The following POC5 variants were observed in gnomAD, a reference collection of about 807,000 sequenced individuals.
The protein encoded by POC5 is centrosomal protein POC5.
Under a neutral mutation model 62.9 loss-of-function variants are expected in POC5, and 48 were observed. The ratio of observed to expected loss-of-function variants is 0.76; its 90% CI spans 0.61 to 0.97. The LOEUF (loss-of-function observed/expected upper bound fraction) is 0.97. POC5 is among the 50% of genes least tolerant of loss of function. The pLI is 0.00. For missense variants in POC5, 696 were observed against 679.5 expected, an observed-to-expected ratio of 1.02 and a Z score of -0.27; for synonymous variants, 236 against 228.2, an observed-to-expected ratio of 1.03 and a Z score of -0.31.
intron 10 of POC5, among the ~76,000 whole-genome samples, chr5:75,679,899 G>T (rs911595054): frequency 1.3e-5 from 2 of 152,052 alleles, no homozygotes; most frequent in Non-Finnish European, 2.9e-5. Context: ...GGAAACAGAA[G>T]AAACAGCTAA....
chr5:75,682,732 G>A (rs1247866252), intron 10 of POC5, among the ~76,000 whole-genome samples: 1 of 151,960 alleles, frequency 6.6e-6, no homozygotes, highest in Admixed American at 6.6e-5. Context: ...GGCCAGCGTG[G>A]TCTCAATCTC....
chr5:75,703,711 G>GT (rs1776997268), intron 4 of POC5, among the ~76,000 whole-genome samples: 1 of 152,158 alleles, frequency 6.6e-6, no homozygotes, highest in African/African-American at 2.4e-5. Context: ...ATACTCTGTT[G>GT]TTAAGTACAC....
At chr5:75,690,811 T>C (rs1776300947) in intron 7 of POC5, among the ~76,000 whole-genome samples, 1 of 152,206 alleles carries the variant, frequency 6.6e-6, no homozygotes, top group South Asian at 2.1e-4. Context: ...CATTACATCA[T>C]TGCTTTATGC....
intron 5 of POC5, among the ~76,000 whole-genome samples, chr5:75,701,715 T>TAAA (rs1554074321): frequency 7.0e-6 from 1 of 142,936 alleles, no homozygotes; most frequent in African/African-American, 2.6e-5. Flanking sequence ...AAACTTAAAG[T>TAAA]ATAATAATAA....
chr5:75,705,337 T>C (rs1777072921), intron 4 of POC5: 1 of 159,848 alleles, frequency 6.3e-6, no homozygotes, highest in Non-Finnish European at 1.4e-5. Context: ...GGCATAAAGA[T>C]AGGATGAAAA....
chr5:75,691,426 A>G (rs1475440050), intron 7 of POC5, among the ~76,000 whole-genome samples: 1 of 152,200 alleles, frequency 6.6e-6, no homozygotes, highest in East Asian at 1.9e-4. Flanking sequence ...GAAAAATTCC[A>G]CACAGAAGTA....
At chr5:75,704,264 G>A (rs544575379) in intron 4 of POC5, among the ~76,000 whole-genome samples, 8 of 152,082 alleles carry the variant, frequency 5.3e-5, no homozygotes, top group East Asian at 1.9e-4. Context: ...CATTTGCTAC[G>A]AGCATCCTAA....
chr5:75,697,621 T>C (rs1273970902), intron 5 of POC5, among the ~76,000 whole-genome samples: 2 of 151,708 alleles, frequency 1.3e-5, no homozygotes, highest in East Asian at 1.9e-4. Flanking sequence ...GTAAAGACCA[T>C]CGAGACTAGG....
At chr5:75,697,074 T>C (rs1270968360) in intron 5 of POC5, among the ~76,000 whole-genome samples, 1 of 152,062 alleles carries the variant, frequency 6.6e-6, no homozygotes, top group African/African-American at 2.4e-5. Flanking sequence ...CAAATCTACG[T>C]CTCATTGGTG....
intron 2 of POC5, among the ~76,000 whole-genome samples, chr5:75,710,744 A>C (rs1220870214): frequency 6.6e-6 from 1 of 152,100 alleles, no homozygotes; most frequent in Non-Finnish European, 1.5e-5. Flanking sequence ...TATGATGGTG[A>C]TCTTATATTG....
Position 75,685,337 on chromosome 5 carries a change from C to T in POC5, c.1277G>A (p.Gly426Glu). The T allele has an allele frequency of 1.2e-6, 2 of 1,614,030 alleles. No homozygotes were observed. Among genetic ancestry groups the T allele is most frequent in the Non-Finnish European group, 1.7e-6 (2 of 1,179,904 alleles). ...TGAGGGAACGGCAGTCGCGCTGGCT[C>T]CTCCGACGGCGGCTGGTGGGGATGG... ...LLPSPPAAVG[G>E]ASATAVPSAA... Residue 426 changes from glycine (G) to glutamate (E), a missense_variant, in exon 10 of 12, where the codon GGA (glycine) becomes GAA (glutamate). By Grantham distance (98) the Gly-to-Glu change is moderately conservative. Coordinates refer to ENST00000428202, the MANE Select transcript of POC5 (RefSeq NM_001099271.2).
intron 2 of POC5, among the ~76,000 whole-genome samples, chr5:75,710,082 A>G (rs2112207441): frequency 6.6e-6 from 1 of 152,324 alleles, no homozygotes; most frequent in Non-Finnish European, 1.5e-5. Context: ...GTACACTGTC[A>G]GTGCACCAGT....
At chr5:75,701,270 C>T (rs561677039) in intron 5 of POC5, among the ~76,000 whole-genome samples, 53 of 136,314 alleles carry the variant, frequency 3.9e-4, no homozygotes, top group Non-Finnish European at 1.5e-4. Context: ...CACATGCACA[C>T]GTATGTTTAT....
rs1234798091 is a variant in POC5, at chr5:75,685,381, T to C, written c.1233A>G (p.Pro411=). The change falls in exon 10 of 12, where the codon CCA becomes CCG. Residue 411 remains proline, a synonymous_variant. Coordinates refer to ENST00000428202, the MANE Select transcript of POC5 (RefSeq NM_001099271.2). The part of the protein sequence containing the change: ...LDPSAPPMPL[P]VTSPLLPSPP... ...GGGATGGCAGCAGTGGTGATGTAACTGGTAAGGGCATCGGAGGAGCTGAAG... is the reference window on the plus strand; with the variant it reads ...GGGATGGCAGCAGTGGTGATGTAACCGGTAAGGGCATCGGAGGAGCTGAAG... The C allele has an allele frequency of 9.3e-6, 15 of 1,614,030 alleles. No homozygotes were observed. The highest frequency in any genetic ancestry group is 3.3e-5 in the South Asian group (3 of 91,090).
intron 10 of POC5, among the ~76,000 whole-genome samples, chr5:75,678,971 T>A (rs1355247789): frequency 2.0e-5 from 3 of 152,192 alleles, no homozygotes; most frequent in Non-Finnish European, 4.4e-5. Flanking sequence ...TATTAATGTT[T>A]CATATTTGTA....
chr5:75,680,127 G>T (rs1775815309), intron 10 of POC5, among the ~76,000 whole-genome samples: 1 of 152,100 alleles, frequency 6.6e-6, no homozygotes, highest in Non-Finnish European at 1.5e-5. Flanking sequence ...GGACAAAAAA[G>T]ATTTTACAAA....
intron 5 of POC5, among the ~76,000 whole-genome samples, chr5:75,698,964 C>A (rs942208210): frequency 1.3e-5 from 2 of 152,084 alleles, no homozygotes; most frequent in East Asian, 3.8e-4. Context: ...ACTAGAAAAT[C>A]TAGAAGAAAT....
At chr5:75,712,782 A>G in intron 2 of POC5, 72 bp downstream of exon 2, 1 of 1,157,604 alleles carries the variant, frequency 8.6e-7, no homozygotes, top group Non-Finnish European at 1.2e-6. Context: ...TTATTAAAAA[A>G]TCCTAGTTTT....
intron 5 of POC5, among the ~76,000 whole-genome samples, chr5:75,700,839 C>T (rs1158577066): frequency 1.4e-5 from 2 of 139,452 alleles, no homozygotes; most frequent in Non-Finnish European, 3.2e-5. Flanking sequence ...GGGCTAATAT[C>T]CAGAATCTAC....
Sources: allele counts gnomAD v4.1 joint callset (sites outside exome capture counted in the v4.1 genomes callset), GRCh38; gene constraint gnomAD v4.1.1; transcripts MANE v1.5; gene names NCBI Gene and HGNC (gene_info 2026-07-23, HGNC 2026-07-21).